Variants in SDK1 observed in about 807,000 individuals in gnomAD.
The protein encoded by SDK1 is protein sidekick-1.
SDK1 carries 157 observed loss-of-function variants against 245.5 expected under a neutral mutation model. That is an observed-to-expected ratio of 0.64 (90% CI 0.56 to 0.73). The LOEUF (loss-of-function observed/expected upper bound fraction) is 0.73. Ranked by LOEUF, SDK1 falls within the 30% of genes least tolerant of loss-of-function variation. The pLI is 0.00. For synonymous variants in SDK1, 1,647 were observed against 1,278.5 expected (o/e 1.29, Z -6.15); for missense variants, 3,583 against 3,002.3 (o/e 1.19, Z -4.52).
chr7:3,415,559 A>T (rs984458708), intron 1 of SDK1, among the ~76,000 whole-genome samples: 1 of 152,092 alleles, frequency 6.6e-6, no homozygotes, highest in African/African-American at 2.4e-5. Context: ...AATACTATGT[A>T]TTGCTCATAG....
intron 1 of SDK1, among the ~76,000 whole-genome samples, chr7:3,580,841 G>A (rs564241062): frequency 8.1e-4 from 123 of 151,510 alleles, no homozygotes; most frequent in African/African-American, 2.7e-3. Flanking sequence ...GGTGGTATGC[G>A]CCTGTAGTCC....
At chr7:3,613,804 A>G (rs1215338693) in intron 1 of SDK1, among the ~76,000 whole-genome samples, 2 of 151,648 alleles carry the variant, frequency 1.3e-5, no homozygotes, top group Admixed American at 6.5e-5. Context: ...CATAAAAACT[A>G]TGCAGATCAT....
chr7:4,257,092 A>T (rs1787682834), intron 44 of SDK1, among the ~76,000 whole-genome samples: 2 of 152,200 alleles, frequency 1.3e-5, no homozygotes, highest in South Asian at 4.1e-4. Flanking sequence ...CGTTCAAATC[A>T]CATGTTAAAG....
rs192426189 is a variant in SDK1, at chr7:4,247,614, G to A, written c.6381+1809G>A. On this transcript the variant is annotated intron_variant, in intron 44 of 44. Coordinates refer to ENST00000404826, the MANE Select transcript of SDK1 (RefSeq NM_152744.4). The stretch of plus-strand genomic sequence containing the variant: ...CGGGCCTGTCCCTGCTGCCGCTGCC[G>A]GGCCGCTGCTCTTTCGAGTATCCAG... Among the ~76,000 whole-genome samples the A allele has an allele frequency of 7.9e-5, 12 of 152,344 alleles. No homozygotes were observed. The East Asian group carries it at 1.9e-3, about 24-fold the overall frequency.
Position 4,017,212 on chromosome 7 carries a change from A to G in SDK1, c.2462A>G (p.Asn821Ser). 1 of 1,613,870 alleles carries G rather than the reference A, an allele frequency of 6.2e-7. No homozygotes were observed. Among genetic ancestry groups the G allele is most frequent in the African/African-American group, 1.3e-5 (1 of 75,028 alleles). Residue 821 changes from asparagine to serine, a missense_variant, in exon 17 of 45, where the codon AAC (asparagine) becomes AGC (serine). Asn to Ser is a conservative substitution (Grantham distance 46). Coordinates refer to ENST00000404826, the MANE Select transcript of SDK1 (RefSeq NM_152744.4). The part of the protein sequence containing the change: ...AGLPGEYQQR[N>S]ITSPEVNYCL... ...CTTCCCGGAGAGTACCAGCAGCGGA[A>G]CATCACCAGCCCGGAGGTGAACTAC...
chr7:3,900,875 AAAAT>A (rs1562522875), intron 5 of SDK1, among the ~76,000 whole-genome samples: 1 of 152,206 alleles, frequency 6.6e-6, no homozygotes, highest in Non-Finnish European at 1.5e-5. Flanking sequence ...ATTGCTCTTG[AAAAT>A]TTCGCATTGA....
intron 22 of SDK1, among the ~76,000 whole-genome samples, chr7:4,093,458 CAAAAAAAAAAAA>C (rs71032922): frequency 1.3e-5 from 1 of 77,784 alleles, no homozygotes; most frequent in East Asian, 6.3e-4. Context: ...AAATGGAAAG[CAAAAAAAAAAAA>C]AAAAAAAAAA....
chr7:4,015,098 C>A (rs561690998), intron 16 of SDK1, among the ~76,000 whole-genome samples: 1 of 152,106 alleles, frequency 6.6e-6, no homozygotes, highest in Non-Finnish European at 1.5e-5. Context: ...GTGCTTTACA[C>A]CTTCACATCT....
intron 1 of SDK1, among the ~76,000 whole-genome samples, chr7:3,518,229 A>G (rs1782811831): frequency 6.6e-6 from 1 of 152,132 alleles, no homozygotes; most frequent in Admixed American, 6.6e-5. Flanking sequence ...AATTAGTAAT[A>G]TGTATTAAAA....
chr7:3,306,808 G>A (rs1028792254), intron 1 of SDK1, among the ~76,000 whole-genome samples: 1 of 152,142 alleles, frequency 6.6e-6, no homozygotes, highest in Non-Finnish European at 1.5e-5. Flanking sequence ...GGCATGTAGT[G>A]TCTTTCTGCC....
intron 32 of SDK1, among the ~76,000 whole-genome samples, chr7:4,171,944 C>G (rs1428726985): frequency 2.0e-5 from 3 of 152,192 alleles, no homozygotes; most frequent in Admixed American, 2.0e-4. Context: ...CGCCCCCACC[C>G]CCAGACGACA....
chr7:4,265,314 C>G lies in SDK1; in HGVS notation c.6572C>G (p.Ala2191Gly). The G allele has an allele frequency of 6.5e-7, 1 of 1,548,422 alleles. No individual in the cohort carries two copies. Among genetic ancestry groups the G allele is most frequent in the Non-Finnish European group, 8.6e-7 (1 of 1,156,606 alleles). The change falls in exon 45 of 45, where the codon GCG (alanine) becomes GGG (glycine). Residue 2191 changes from alanine (A) to glycine (G), a missense_variant. Coordinates refer to ENST00000404826, the MANE Select transcript of SDK1 (RefSeq NM_152744.4). ...QLHPVITTQSAGGVYTPAGPG... is the reference protein window; with the variant it reads ...QLHPVITTQSGGGVYTPAGPG... ...CACCCGGTCATCACCACGCAGAGCG[C>G]GGGCGGCGTCTACACCCCCGCTGGC...
chr7:4,059,916 G>T (rs1171310095), intron 19 of SDK1, among the ~76,000 whole-genome samples: 1 of 141,876 alleles, frequency 7.0e-6, no homozygotes, highest in Non-Finnish European at 1.5e-5. Context: ...GTCTTGCTCT[G>T]TCGCCCAGGC....
At chr7:4,016,652 G>C (rs532265807) in intron 16 of SDK1, among the ~76,000 whole-genome samples, 2 of 152,150 alleles carry the variant, frequency 1.3e-5, no homozygotes, top group Non-Finnish European at 2.9e-5. Flanking sequence ...TACTGGACTA[G>C]TATTTTAGAA....
intron 4 of SDK1, among the ~76,000 whole-genome samples, chr7:3,714,943 G>A (rs1411467606): frequency 6.6e-6 from 1 of 152,052 alleles, no homozygotes; most frequent in Non-Finnish European, 1.5e-5. Context: ...TTAGATTGAT[G>A]GTAATTCTCA....
rs187571107 is a variant in SDK1, at chr7:3,955,731, T to C, written c.1151-3200T>C. On this transcript the variant is annotated intron_variant, in intron 7 of 44. Transcript: ENST00000404826. ...ACTCAGAAGCCAAATCCCAGCAGCA[T>C]TGGGGATGGGAGAGCAGGAAAAATG... Among the ~76,000 whole-genome samples the C allele has an allele frequency of 1.9e-3, 286 of 152,252 alleles. 1 individual carries two copies. The highest frequency in any genetic ancestry group is 5.1e-3 in the African/African-American group (213 of 41,558).
chr7:4,180,992 G>T (rs148029587), intron 35 of SDK1, among the ~76,000 whole-genome samples: 2 of 152,288 alleles, frequency 1.3e-5, no homozygotes, highest in East Asian at 1.9e-4. Context: ...AGCATTCTCC[G>T]TGTGCAGTTC....
rs1057435618 is a variant in SDK1 at position 3,309,524 on chromosome 7, A to T, written c.298+7640A>T. Among the ~76,000 whole-genome samples the T allele has an allele frequency of 2.4e-5, 3 of 127,318 alleles. No homozygotes were observed. In the Admixed American group the frequency reaches 2.5e-4, roughly 11 times the overall value. The allele number at this position is 127,318 out of a possible 152,430, so 83.5% of individuals were successfully genotyped here. A position where few individuals can be genotyped will look rare whatever the true frequency, so the allele number is the denominator to read the frequency against. ...AGTGGCAGAGTGTCACTAGAAAAAG[A>T]TTTTTTTTTTTTTTTTTTACATGAG... is the stretch of plus-strand genomic sequence containing the variant. On this transcript the variant is annotated intron_variant, in intron 1 of 44. Transcript: ENST00000404826.
chr7:3,616,587 G>A (rs1781779918), intron 1 of SDK1, among the ~76,000 whole-genome samples: 1 of 152,034 alleles, frequency 6.6e-6, no homozygotes, highest in African/African-American at 2.4e-5. Context: ...CCTACTGTAA[G>A]TTCTTGCCGT....
Sources: allele counts gnomAD v4.1 joint callset (sites outside exome capture counted in the v4.1 genomes callset), GRCh38; gene constraint gnomAD v4.1.1; transcripts MANE v1.5; gene names NCBI Gene and HGNC (gene_info 2026-07-23, HGNC 2026-07-21).